The following INPP5F variants were observed in gnomAD, a reference collection of about 807,000 sequenced individuals.
The protein encoded by INPP5F is phosphatidylinositide 4-phosphatase SAC2.
INPP5F carries 97 observed loss-of-function variants against 137.2 expected under a neutral mutation model. The observed-to-expected ratio is 0.71, with a 90% CI of 0.60 to 0.84. INPP5F has a LOEUF of 0.84. INPP5F is among the 40% of genes least tolerant of loss of function. The probability of loss-of-function intolerance (pLI) is 0.00; values close to 1 mark genes in which losing one functional copy is unlikely to be tolerated. For synonymous variants in INPP5F, 504 were observed against 476.9 expected, an observed-to-expected ratio of 1.06 and a Z score of -0.74; for missense variants, 1,271 against 1,371.9, an observed-to-expected ratio of 0.93 and a Z score of 1.16.
At chr10:119,798,396 C>T in intron 8 of INPP5F, 147 bp from the exon 9 acceptor site, 1 of 562,790 alleles carries the variant, frequency 1.8e-6, no homozygotes, top group Non-Finnish European at 3.1e-6. Context: ...TTTGACTTAG[C>T]ATTTCATTTT....
intron 2 of INPP5F, 101 bp downstream of exon 2, chr10:119,751,257 CTTTGTTTTAAT>C: frequency 1.3e-6 from 1 of 781,414 alleles, no homozygotes; most frequent in Non-Finnish European, 2.3e-6. Flanking sequence ...GCTTTGATTC[CTTTGTTTTAAT>C]TTTGGGTCTG....
chr10:119,787,251 ACT>A lies in INPP5F; in HGVS notation c.316-4263_316-4262del, dbSNP rs1464838369. Among the ~76,000 whole-genome samples, 1 of 152,098 alleles carries A rather than the reference ACT, an allele frequency of 6.6e-6. No individual in the cohort carries two copies. The highest frequency in any genetic ancestry group is 2.4e-5 in the African/African-American group (1 of 41,404). ...GTTAAGGGATGATGGGCTTATATTA[ACT>A]CTGTTTCAAGCCCAGGATGAGGGTA... On this transcript the variant is annotated intron_variant, in intron 3 of 19. Transcript: ENST00000650623. The surrounding 1 kb of genome is among the most constrained non-coding windows in gnomAD (Gnocchi z 4.1).
intron 19 of INPP5F, 63 bp from the exon 20 acceptor site, chr10:119,826,568 A>G: frequency 1.6e-6 from 2 of 1,286,440 alleles, no homozygotes; most frequent in Non-Finnish European, 2.2e-6. Context: ...ACTTATGTTA[A>G]TAACTGGAAC....
chr10:119,794,192 T>C (rs568751107), intron 6 of INPP5F, among the ~76,000 whole-genome samples: 7 of 151,670 alleles, frequency 4.6e-5, no homozygotes, highest in Non-Finnish European at 1.0e-4. Flanking sequence ...TGTCCCTGGG[T>C]ACTTGAGATT....
At chr10:119,730,069 T>C (rs1848011516) in intron 1 of INPP5F, among the ~76,000 whole-genome samples, 1 of 152,102 alleles carries the variant, frequency 6.6e-6, no homozygotes, top group African/African-American at 2.4e-5. Context: ...CTTAGATGCT[T>C]ATGTCTGTTG....
intron 1 of INPP5F, among the ~76,000 whole-genome samples, chr10:119,746,735 G>T (rs1170294743): frequency 6.6e-6 from 1 of 151,818 alleles, no homozygotes; most frequent in Non-Finnish European, 1.5e-5. Flanking sequence ...AAATTAGGAG[G>T]CATGAACAAG....
Position 119,806,463 on chromosome 10 carries a change from G to A in INPP5F, c.1423G>A (p.Val475Met). 6.2e-7 allele frequency: 1 copy of A among 1,606,992 alleles called. No individual in the cohort carries two copies. Among genetic ancestry groups the A allele is most frequent in the Non-Finnish European group, 8.5e-7 (1 of 1,177,468 alleles). ...CGTGGTCCAAGCTGCCATCGCGAGA[G>A]TGGTCATGGAACAGCAGGTAATTTG... is the stretch of plus-strand genomic sequence containing the variant. ...TNVVQAAIAR[V>M]VMEQQLKKLG... is the part of the protein sequence containing the mutation. The change falls in exon 12 of 20, where the codon GTG becomes ATG. Residue 475 changes from valine (V) to methionine (M), a missense_variant. Physicochemically the swap from Val to Met is conservative, Grantham distance 21. Around this residue, in one of 6 missense-constraint regions of INPP5F, gnomAD observed 593 missense variants for 712.4 expected, o/e 0.83. Transcript: ENST00000650623.
chr10:119,799,855 T>C (rs150327494), intron 9 of INPP5F, among the ~76,000 whole-genome samples: 109 of 152,284 alleles, frequency 7.2e-4, no homozygotes, highest in African/African-American at 2.4e-3. Context: ...AATAGGACTT[T>C]AAAAAGCACT....
At chr10:119,820,614 T>A (rs1462444507) in intron 15 of INPP5F, among the ~76,000 whole-genome samples, 1 of 152,188 alleles carries the variant, frequency 6.6e-6, no homozygotes, top group Non-Finnish European at 1.5e-5. Flanking sequence ...TTGGCTGCCT[T>A]TCTCTACGCT....
intron 1 of INPP5F, among the ~76,000 whole-genome samples, chr10:119,730,505 G>C (rs1427074360): frequency 6.6e-6 from 1 of 152,212 alleles, no homozygotes; most frequent in African/African-American, 2.4e-5. Context: ...GATAAGAATT[G>C]TAATTTGAAG....
chr10:119,791,100 T>G (rs17099301), intron 3 of INPP5F, among the ~76,000 whole-genome samples: 7,193 of 152,322 alleles, frequency 0.047, 305 homozygotes, highest in South Asian at 0.25. Flanking sequence ...AAACACTCAA[T>G]TAGCATCAGT....
At chr10:119,820,663 T>G (rs1851523362) in intron 15 of INPP5F, among the ~76,000 whole-genome samples, 183 bp from the exon 16 acceptor site, 1 of 152,220 alleles carries the variant, frequency 6.6e-6, no homozygotes, top group Non-Finnish European at 1.5e-5. Flanking sequence ...CCTTGTTTTT[T>G]AAAGACTGTC....
intron 2 of INPP5F, among the ~76,000 whole-genome samples, chr10:119,775,735 G>C (rs1849503519): frequency 6.6e-6 from 1 of 152,094 alleles, no homozygotes; most frequent in Non-Finnish European, 1.5e-5. Flanking sequence ...TAAGTGGTGG[G>C]TGGATTTGGT....
chr10:119,787,563 G>C lies in INPP5F; in HGVS notation c.316-3954G>C, dbSNP rs1193085606. Among the ~76,000 whole-genome samples, 2 of 151,410 alleles carry C rather than the reference G, an allele frequency of 1.3e-5. No homozygotes were observed. Among genetic ancestry groups the C allele is most frequent in the Non-Finnish European group, 2.9e-5 (2 of 67,912 alleles). Reference sequence around the variant, plus strand: ...ATTGCACTCTAGCTTGGGTGACAGAGTGCGACTCTGTCTCAAAGAAGGAAA... The same window carrying C: ...ATTGCACTCTAGCTTGGGTGACAGACTGCGACTCTGTCTCAAAGAAGGAAA... On this transcript the variant is annotated intron_variant, in intron 3 of 19. Transcript: ENST00000650623. This position sits in a 1 kb window ranked among gnomAD's most constrained non-coding sequence, Gnocchi z 4.1.
chr10:119,761,300 T>C (rs757107580), intron 2 of INPP5F, among the ~76,000 whole-genome samples: 11 of 152,234 alleles, frequency 7.2e-5, no homozygotes, highest in Non-Finnish European at 1.5e-4. Context: ...CTTAGGAAAC[T>C]TTAGTAAGGA....
At position 119,827,488 on chromosome 10, in the gene INPP5F, C is replaced by T. The variant is rs372509795; in HGVS notation, c.3107C>T (p.Ser1036Phe). 6.2e-7 allele frequency: 1 copy of T among 1,614,062 alleles called. No homozygotes were observed. Among genetic ancestry groups the T allele is most frequent in the Non-Finnish European group, 8.5e-7 (1 of 1,180,046 alleles). The change falls in exon 20 of 20, where the codon TCT becomes TTT. Residue 1036 changes from serine to phenylalanine, a missense_variant. Transcript: ENST00000650623. ...LSVEPAHSVA[S>F]QKTPTSASSM... is the part of the protein sequence containing the mutation. ...GTTGAGCCAGCGCATTCAGTTGCATCTCAAAAAACCCCCACCTCCGCTTCC... is the reference window on the plus strand; with the variant it reads ...GTTGAGCCAGCGCATTCAGTTGCATTTCAAAAAACCCCCACCTCCGCTTCC...
chr10:119,817,017 C>T (rs1201652321), intron 15 of INPP5F, among the ~76,000 whole-genome samples: 2 of 152,298 alleles, frequency 1.3e-5, no homozygotes, highest in East Asian at 3.9e-4. Context: ...ACACTACCAT[C>T]CCTAAGCAAC....
chr10:119,762,918 C>T (rs936200946), intron 2 of INPP5F, among the ~76,000 whole-genome samples: 8 of 152,144 alleles, frequency 5.3e-5, no homozygotes, highest in African/African-American at 1.7e-4. Flanking sequence ...CTCATTCCAC[C>T]ATCAACTCTT....
intron 15 of INPP5F, chr10:119,819,895 A>AT (rs895436791): frequency 7.6e-5 from 13 of 171,296 alleles, no homozygotes; most frequent in Non-Finnish European, 1.5e-4. Context: ...GATTTAATAA[A>AT]TTTTTTTTCC....
Sources: allele counts gnomAD v4.1 joint callset (sites outside exome capture counted in the v4.1 genomes callset), GRCh38; gene constraint gnomAD v4.1.1; regional missense constraint gnomAD v4.1.1; non-coding constraint Gnocchi (gnomAD v3.1); transcripts MANE v1.5; gene names NCBI Gene and HGNC (gene_info 2026-07-23, HGNC 2026-07-21).